Variants in RGL3 observed in about 807,000 individuals in gnomAD.
RGL3 encodes the protein ral guanine nucleotide dissociation stimulator like 3.
Under a neutral mutation model 90.6 loss-of-function variants are expected in RGL3, and 85 were observed. The ratio of observed to expected loss-of-function variants is 0.94; its 90% CI spans 0.79 to 1.12. RGL3 has a LOEUF of 1.12. Among genes scored for constraint, RGL3 ranks in the 50% most tolerant of loss-of-function variants. The probability of loss-of-function intolerance (pLI) is 0.00; values close to 1 mark genes in which losing one functional copy is unlikely to be tolerated. For missense variants in RGL3, 1,034 were observed against 939.2 expected (o/e 1.10, Z -1.32); for synonymous variants, 408 against 385.5 (o/e 1.06, Z -0.68).
intron 9 of RGL3, among the ~76,000 whole-genome samples, chr19:11,404,539 C>G (rs762033439): frequency 6.6e-5 from 10 of 151,646 alleles, no homozygotes; most frequent in Non-Finnish European, 1.0e-4. Context: ...TACAAACAAA[C>G]AAAGAAACAA....
At position 11,416,057 on chromosome 19, in the gene RGL3, T is replaced by G; in HGVS notation, c.517A>C (p.Thr173Pro). ...CCTGGGGCCGCCCAGCCCAGAAAGG[T>G]TCGGACACTGCCCAGGTCCGAATGG... ...PAHSDLGSVR[T>P]FLGWAAPGSA... The change falls in exon 5 of 19, where the codon ACC (threonine) becomes CCC (proline). Residue 173 changes from threonine (T) to proline (P), a missense_variant. Coordinates refer to ENST00000380456, the MANE Select transcript of RGL3 (RefSeq NM_001035223.4). The G allele has an allele frequency of 6.2e-7, 1 of 1,613,338 alleles. No individual in the cohort carries two copies. The highest frequency in any genetic ancestry group is 2.2e-5 in the East Asian group (1 of 44,836).
At chr19:11,415,736 A>G (rs1350190186) in intron 5 of RGL3, among the ~76,000 whole-genome samples, 1 of 152,178 alleles carries the variant, frequency 6.6e-6, no homozygotes, top group Admixed American at 6.5e-5. Flanking sequence ...TGGCCTCCCA[A>G]ACTGCTGGGA....
chr19:11,403,594 C>G (rs184587047), intron 9 of RGL3, among the ~76,000 whole-genome samples: 1 of 146,346 alleles, frequency 6.8e-6, no homozygotes, highest in African/African-American at 2.5e-5. Context: ...GAGCCAAGAT[C>G]GCACCATTGC....
rs1968848764 is a variant in RGL3, at chr19:11,410,154, TA to T, written c.638-3291del. On this transcript the variant is annotated intron_variant, in intron 5 of 18. Transcript: ENST00000380456. ...TTTATTATTTATTTATTTTTTATTT[TA>T]TTTTATTTTATTTTTTATTTTTTTT... 1.3e-5 allele frequency among the ~76,000 whole-genome samples: 2 copies of T among 150,112 alleles called. 1 individual carries two copies. Among genetic ancestry groups the T allele is most frequent in the South Asian group, 4.2e-4 (2 of 4,798 alleles).
At chr19:11,406,895 A>C (rs1968794020) in intron 5 of RGL3, 31 bp from the exon 6 acceptor site, 3 of 1,598,848 alleles carry the variant, frequency 1.9e-6, no homozygotes, top group South Asian at 1.1e-5. Context: ...CAAACTCTCA[A>C]GTTTGAATCC....
chr19:11,405,373 C>T lies in RGL3; in HGVS notation c.1050G>A (p.Leu350=), dbSNP rs1968756035. The part of the protein sequence containing the change: ...FSSLRAILSA[L]QSNPIYRLKR... ...TGAGCCGGTAGATGGGGTTAGATTGCAGGGCGGACAGGATGGCGCGCAAGG... is the reference window on the plus strand; with the variant it reads ...TGAGCCGGTAGATGGGGTTAGATTGTAGGGCGGACAGGATGGCGCGCAAGG... Residue 350 remains leucine (L), a synonymous_variant, in exon 8 of 19, where the codon CTG becomes CTA. Transcript: ENST00000380456. 6.2e-7 allele frequency: 1 copy of T among 1,610,844 alleles called. No homozygotes were observed. The highest frequency in any genetic ancestry group is 1.7e-5 in the Admixed American group (1 of 59,272).
At position 11,397,333 on chromosome 19, in the gene RGL3, C is replaced by G; in HGVS notation, c.1925G>C (p.Ser642Thr). The change falls in exon 18 of 19, where the codon AGC becomes ACC. Residue 642 changes from serine (S) to threonine (T), a missense_variant. Ser to Thr is a moderately conservative substitution (Grantham distance 58). Transcript: ENST00000380456. ...CTTCTGCAAGGCTCGCCGGACCACGCTGGGGGCTTTGTCCTGACTGGTCAG... is the reference window on the plus strand; with the variant it reads ...CTTCTGCAAGGCTCGCCGGACCACGGTGGGGGCTTTGTCCTGACTGGTCAG... ...ILLTSQDKAP[S>T]VVRRALQKHN... is the part of the protein sequence containing the mutation. The G allele has an allele frequency of 6.2e-7, 1 of 1,607,844 alleles. No individual in the cohort carries two copies. Among genetic ancestry groups the G allele is most frequent in the Non-Finnish European group, 8.5e-7 (1 of 1,176,916 alleles).
At chr19:11,403,717 G>C (rs1376517107) in intron 9 of RGL3, among the ~76,000 whole-genome samples, 2 of 151,810 alleles carry the variant, frequency 1.3e-5, no homozygotes, top group African/African-American at 2.4e-5. Context: ...GATGAGGGTA[G>C]GGAGGAGATA....
intron 18 of RGL3, among the ~76,000 whole-genome samples, chr19:11,395,089 T>C (rs1312195867): frequency 2.1e-5 from 3 of 143,690 alleles, no homozygotes; most frequent in Non-Finnish European, 3.0e-5. Flanking sequence ...CGAGACTCCA[T>C]CTCAAAAAAA....
chr19:11,414,231 T>TTATATATACCTA (rs1568341654), intron 5 of RGL3, among the ~76,000 whole-genome samples: 6 of 72,460 alleles, frequency 8.3e-5, no homozygotes, highest in African/African-American at 3.4e-4. Flanking sequence ...ATATATACCT[T>TTATATATACCTA]TATATATATA....
rs1291598746 is a variant in RGL3 at position 11,413,534 on chromosome 19, C to CAA, written c.637+2401_637+2402dup. 3.6e-3 allele frequency among the ~76,000 whole-genome samples: 109 copies of CAA among 30,534 alleles called. 1 individual carries two copies. The highest frequency in any genetic ancestry group is 0.033 in the Middle Eastern group (2 of 60). 20.0% of individuals were successfully genotyped at this position (30,534 alleles called of 152,430 possible). A position where few individuals can be genotyped will look rare whatever the true frequency, so the allele number is the denominator to read the frequency against. On this transcript the variant is annotated intron_variant, in intron 5 of 18. Coordinates refer to ENST00000380456, the MANE Select transcript of RGL3 (RefSeq NM_001035223.4). ...TGGGTGACAGAGCGAGGCTCCGTCT[C>CAA]AAAAAAAAAAAAAAAAAAAAAAGGG...
intron 5 of RGL3, among the ~76,000 whole-genome samples, chr19:11,409,539 T>A (rs541705372): frequency 4.1e-4 from 62 of 152,204 alleles, no homozygotes; most frequent in Non-Finnish European, 7.2e-4. Flanking sequence ...AAGAAAAACA[T>A]GTTTGCAATA....
chr19:11,397,788 C>T (rs1447984278), intron 16 of RGL3, 191 bp from the exon 17 acceptor site: 29 of 486,486 alleles, frequency 6.0e-5, no homozygotes, highest in Middle Eastern at 5.9e-4. Context: ...GTGGGCGGAT[C>T]ACTTGAGGTC....
At chr19:11,415,769 C>A (rs1022234444) in intron 5 of RGL3, among the ~76,000 whole-genome samples, 168 bp downstream of exon 5, 1 of 152,074 alleles carries the variant, frequency 6.6e-6, no homozygotes, top group Non-Finnish European at 1.5e-5. Flanking sequence ...CCACCACGCC[C>A]GGCTGACAAA....
chr19:11,396,136 C>CTCTCTCTATATATATATA (rs1367805487), intron 18 of RGL3, among the ~76,000 whole-genome samples: 1 of 17,904 alleles, frequency 5.6e-5, no homozygotes, highest in African/African-American at 1.9e-4. Context: ...CTCTCTCTCT[C>CTCTCTCTATATATATATA]TATATATATA....
chr19:11,403,532 C>T (rs74179990), intron 9 of RGL3, among the ~76,000 whole-genome samples: 72 of 148,566 alleles, frequency 4.8e-4, no homozygotes, highest in Admixed American at 1.6e-3. Context: ...CCCAGCTACT[C>T]GGGAGGCTGA....
rs373535386 is a variant in RGL3, at chr19:11,417,065, G to A, written c.148-6C>T. 7 of 1,583,330 alleles carry A rather than the reference G, an allele frequency of 4.4e-6. No homozygotes were observed. The African/African-American group carries it at 8.1e-5, about 18-fold the overall frequency. On this transcript the variant is annotated splice_region_variant and splice_polypyrimidine_tract_variant and intron_variant, in intron 2 of 18. Coordinates refer to ENST00000380456, the MANE Select transcript of RGL3 (RefSeq NM_001035223.4). The stretch of plus-strand genomic sequence containing the variant: ...TTGGCAATGGGGCTGGGAGCCTGCA[G>A]GAGGGGAGAGGTGGCCATGAGAGAG...
chr19:11,407,034 G>A (rs1256877136), intron 5 of RGL3, 170 bp from the exon 6 acceptor site: 8 of 597,336 alleles, frequency 1.3e-5, no homozygotes, highest in Non-Finnish European at 2.3e-5. Context: ...TGCCCAAGCT[G>A]GAGTACAATG....
chr19:11,416,195 A>G (rs1968993756), intron 4 of RGL3, 47 bp from the exon 5 acceptor site: 1 of 1,291,200 alleles, frequency 7.7e-7, no homozygotes. Context: ...AGTGGGGGAC[A>G]TAGAATATGA....
Sources: allele counts gnomAD v4.1 joint callset (sites outside exome capture counted in the v4.1 genomes callset), GRCh38; gene constraint gnomAD v4.1.1; transcripts MANE v1.5; gene names NCBI Gene and HGNC (gene_info 2026-07-23, HGNC 2026-07-21).